The following LIPC variants were observed in gnomAD, a reference collection of about 807,000 sequenced individuals.
LIPC encodes hepatic triacylglycerol lipase.
LIPC carries 44 observed loss-of-function variants against 50.7 expected under a neutral mutation model. That is an observed-to-expected ratio of 0.87 (90% confidence interval 0.68 to 1.11). LIPC has a LOEUF of 1.11. Ranked by LOEUF, LIPC falls within the 50% of genes most tolerant of loss-of-function variation. The pLI, the probability that LIPC is intolerant of heterozygous loss-of-function variation, is 0.00. For synonymous variants in LIPC, 271 were observed against 256.4 expected (o/e 1.06, Z -0.54); for missense variants, 697 against 648.2 (o/e 1.08, Z -0.82).
At chr15:58,455,309 CCA>C (rs1436192822) in intron 1 of LIPC, among the ~76,000 whole-genome samples, 1 of 152,178 alleles carries the variant, frequency 6.6e-6, no homozygotes, top group Non-Finnish European at 1.5e-5. Flanking sequence ...ACAAAAGCAG[CCA>C]CAGACAATAG....
chr15:58,494,889 T>A (rs1274675803), intron 1 of LIPC: 1 of 456,128 alleles, frequency 2.2e-6, no homozygotes, highest in South Asian at 1.5e-5. Context: ...TTTTTCTGTT[T>A]TGATTGACAA....
chr15:58,471,196 G>C (rs1894783714), intron 1 of LIPC, among the ~76,000 whole-genome samples: 1 of 147,258 alleles, frequency 6.8e-6, no homozygotes, highest in Admixed American at 6.8e-5. Context: ...GAATACAGTG[G>C]TGTCATCTCG....
chr15:58,496,743 C>CAAAAAAAAAAAAAAAAAAAAAAAA lies in LIPC; in HGVS notation c.89-41573_89-41572insAAAAAAAAAAAAAAAAAAAAAAAA, dbSNP rs10716717. On this transcript the variant is annotated intron_variant, in intron 1 of 8. Coordinates refer to ENST00000299022, the MANE Select transcript of LIPC (RefSeq NM_000236.3). Reference sequence around the variant, plus strand: ...GCCCTGCTACAGAAGTCTTCCCCCTCAAAAAAAAAAAAAAAAATTAAGATG... The same window carrying CAAAAAAAAAAAAAAAAAAAAAAAA: ...GCCCTGCTACAGAAGTCTTCCCCCTCAAAAAAAAAAAAAAAAAAAAAAAAAAAAAAAAAAAAAAAAATTAAGATG... 3.0e-3 allele frequency among the ~76,000 whole-genome samples: 339 copies of CAAAAAAAAAAAAAAAAAAAAAAAA among 114,074 alleles called. 18 individuals carry two copies. Among genetic ancestry groups the CAAAAAAAAAAAAAAAAAAAAAAAA allele is most frequent in the Middle Eastern group, 5.5e-3 (1 of 182 alleles). The allele number at this position is 114,074 out of a possible 152,430, so 74.8% of individuals were successfully genotyped here. A position where few individuals can be genotyped will look rare whatever the true frequency, so the allele number is the denominator to read the frequency against.
intron 1 of LIPC, among the ~76,000 whole-genome samples, chr15:58,496,492 G>A (rs1891769457): frequency 1.3e-5 from 2 of 152,030 alleles, no homozygotes; most frequent in African/African-American, 4.8e-5. Flanking sequence ...AAGGAGAGAG[G>A]GAGAAAAGGA....
At position 58,563,619 on chromosome 15, in the gene LIPC, T is replaced by C. The variant is rs778225362; in HGVS notation, c.1284T>C (p.Asn428=). The C allele has an allele frequency of 6.2e-7, 1 of 1,614,082 alleles. No homozygotes were observed. Among genetic ancestry groups the C allele is most frequent in the African/African-American group, 1.3e-5 (1 of 74,934 alleles). Residue 428 remains asparagine (N), a synonymous_variant, in exon 8 of 9, where the codon AAT becomes AAC. Coordinates refer to ENST00000299022, the MANE Select transcript of LIPC (RefSeq NM_000236.3). ...GGGAAAACAGTGCAGTGTGGGCCAATGTCTGGGACACGGTCCAGACCATCA... is the reference window on the plus strand; with the variant it reads ...GGGAAAACAGTGCAGTGTGGGCCAACGTCTGGGACACGGTCCAGACCATCA... ...FKWENSAVWA[N]VWDTVQTIIP...
intron 1 of LIPC, among the ~76,000 whole-genome samples, chr15:58,484,528 T>C (rs1417320940): frequency 6.6e-6 from 1 of 152,256 alleles, no homozygotes; most frequent in Non-Finnish European, 1.5e-5. Context: ...CCAATATTAA[T>C]TCATTTAATC....
intron 1 of LIPC, among the ~76,000 whole-genome samples, chr15:58,434,404 C>G (rs1340111641): frequency 1.3e-5 from 2 of 152,146 alleles, no homozygotes; most frequent in East Asian, 3.9e-4. Flanking sequence ...CCAGGCACTC[C>G]ACGGACATTT....
At chr15:58,509,544 A>C (rs7168302) in intron 1 of LIPC, among the ~76,000 whole-genome samples, 4 of 152,234 alleles carry the variant, frequency 2.6e-5, no homozygotes, top group Non-Finnish European at 4.4e-5. Context: ...GGTGTTCAGT[A>C]AATAAATATA....
At chr15:58,508,243 G>C (rs547675296) in intron 1 of LIPC, among the ~76,000 whole-genome samples, 13 of 152,136 alleles carry the variant, frequency 8.5e-5, no homozygotes, top group South Asian at 4.2e-4. Flanking sequence ...GCCAAGGGTG[G>C]GGGGTAGGGA....
At chr15:58,461,305 A>G (rs1451760370) in intron 1 of LIPC, among the ~76,000 whole-genome samples, 9 of 152,242 alleles carry the variant, frequency 5.9e-5, no homozygotes, top group Non-Finnish European at 1.2e-4. Context: ...CACTTTATAG[A>G]TAAGGAAACT....
intron 2 of LIPC, 145 bp from the exon 3 acceptor site, chr15:58,541,640 T>C: frequency 1.2e-6 from 1 of 829,996 alleles, no homozygotes; most frequent in East Asian, 2.7e-5. Flanking sequence ...CAACAAGGAA[T>C]TCTCTGGCCC....
chr15:58,554,039 T>A (rs1464814843), intron 6 of LIPC, among the ~76,000 whole-genome samples: 1 of 151,968 alleles, frequency 6.6e-6, no homozygotes, highest in Non-Finnish European at 1.5e-5. Context: ...AAGAGAGTCA[T>A]AATATCTCCC....
chr15:58,467,690 C>G (rs1429752009), intron 1 of LIPC, among the ~76,000 whole-genome samples: 2 of 152,152 alleles, frequency 1.3e-5, no homozygotes, highest in African/African-American at 4.8e-5. Context: ...GTAAATGAGT[C>G]CTTGATGTTC....
chr15:58,480,993 G>A (rs1891168002), intron 1 of LIPC, among the ~76,000 whole-genome samples: 1 of 152,106 alleles, frequency 6.6e-6, no homozygotes. Flanking sequence ...CACAACAGAT[G>A]TTCCATAAGC....
chr15:58,445,167 C>T (rs1245984504), intron 1 of LIPC, among the ~76,000 whole-genome samples: 1 of 152,200 alleles, frequency 6.6e-6, no homozygotes, highest in African/African-American at 2.4e-5. Context: ...ATGATTGGGA[C>T]TTTCTGGCAG....
chr15:58,472,576 C>A (rs1204977390), intron 1 of LIPC, among the ~76,000 whole-genome samples: 1,162 of 122,112 alleles, frequency 9.5e-3, no homozygotes, highest in African/African-American at 9.3e-3. Context: ...ACTCTTGTCT[C>A]AAAAAAAAAA....
At chr15:58,473,066 C>T (rs951441743) in intron 1 of LIPC, among the ~76,000 whole-genome samples, 4 of 152,118 alleles carry the variant, frequency 2.6e-5, no homozygotes, top group Admixed American at 2.0e-4. Flanking sequence ...AGGGGGAGGA[C>T]GGCAGCCAGA....
chr15:58,433,769 G>A (rs565264406), intron 1 of LIPC, among the ~76,000 whole-genome samples: 41 of 152,270 alleles, frequency 2.7e-4, no homozygotes, highest in Middle Eastern at 6.8e-3. Context: ...TCTTTCCCCG[G>A]GGCCTAGTTT....
At chr15:58,479,710 C>T (rs1262710537) in intron 1 of LIPC, among the ~76,000 whole-genome samples, 2 of 152,162 alleles carry the variant, frequency 1.3e-5, no homozygotes, top group African/African-American at 2.4e-5. Flanking sequence ...GTGGCTTGGA[C>T]GATTAGAAGA....
Sources: gnomAD v4.1 joint callset for allele counts (sites outside exome capture counted in the v4.1 genomes callset) on GRCh38, gnomAD v4.1.1 for gene constraint, MANE v1.5 for transcripts, NCBI Gene and HGNC (gene_info 2026-07-23, HGNC 2026-07-21) for gene names.